The following PCLO variants were observed in gnomAD, a reference collection of about 807,000 sequenced individuals.
PCLO encodes the protein piccolo presynaptic cytomatrix protein, also known as protein piccolo.
PCLO carries 82 observed loss-of-function variants against 427.5 expected under a neutral mutation model. That is an observed-to-expected ratio of 0.19 (90% CI 0.16 to 0.23). The LOEUF is 0.23. Among genes scored for constraint, PCLO ranks in the 10% least tolerant of loss-of-function variants. The probability of loss-of-function intolerance (pLI) is 1.00; values close to 1 mark genes in which losing one functional copy is unlikely to be tolerated. For missense variants in PCLO, 6,239 were observed against 6,115.9 expected (o/e 1.02, Z -0.67); for synonymous variants, 2,357 against 2,155.4 (o/e 1.09, Z -2.59).
chr7:83,079,128 T>C (rs941206468), intron 3 of PCLO, among the ~76,000 whole-genome samples: 1 of 152,062 alleles, frequency 6.6e-6, no homozygotes, highest in Non-Finnish European at 1.5e-5. Flanking sequence ...GCCATATATA[T>C]GGAGGGATGG....
chr7:83,044,780 A>G (rs1185201768), intron 3 of PCLO, among the ~76,000 whole-genome samples: 1 of 152,198 alleles, frequency 6.6e-6, no homozygotes, highest in Non-Finnish European at 1.5e-5. Flanking sequence ...GGTCAAATGT[A>G]TATTGATTCG....
chr7:82,830,397 A>C (rs1792065323), intron 16 of PCLO, among the ~76,000 whole-genome samples: 1 of 152,006 alleles, frequency 6.6e-6, no homozygotes, highest in African/African-American at 2.4e-5. Context: ...TGTCTACAAA[A>C]AAGTGTCTAC....
chr7:82,887,202 T>C (rs563086425), intron 9 of PCLO, among the ~76,000 whole-genome samples: 1 of 152,114 alleles, frequency 6.6e-6, no homozygotes, highest in Non-Finnish European at 1.5e-5. Flanking sequence ...CTAAGGAGGG[T>C]TAGAAACTTG....
At chr7:82,984,041 C>T (rs1796204766) in intron 3 of PCLO, among the ~76,000 whole-genome samples, 1 of 151,878 alleles carries the variant, frequency 6.6e-6, no homozygotes, top group Non-Finnish European at 1.5e-5. Flanking sequence ...AGATTCAAAT[C>T]CTAGCTAGGA....
At chr7:82,881,457 T>A (rs940818081) in intron 9 of PCLO, among the ~76,000 whole-genome samples, 1 of 152,166 alleles carries the variant, frequency 6.6e-6, no homozygotes, top group Non-Finnish European at 1.5e-5. Flanking sequence ...ATTATTTAAT[T>A]TTGTAATGTA....
chr7:82,841,404 T>A, intron 14 of PCLO, 55 bp downstream of exon 14: 1 of 1,041,328 alleles, frequency 9.6e-7, no homozygotes, highest in Non-Finnish European at 1.5e-6. Context: ...AACAAACCAG[T>A]GGCAAAACAA....
chr7:82,931,090 A>G (rs974365210), intron 6 of PCLO, among the ~76,000 whole-genome samples: 54 of 152,174 alleles, frequency 3.5e-4, no homozygotes, highest in African/African-American at 1.1e-3. Flanking sequence ...GCTAAGACAT[A>G]TAAAAGACTA....
At chr7:83,079,100 C>T (rs11531624) in intron 3 of PCLO, among the ~76,000 whole-genome samples, 35,999 of 151,868 alleles carry the variant, frequency 0.24, 4,891 homozygotes, top group East Asian at 0.56. Context: ...TACCATTTGA[C>T]ATAATTTTGC....
At chr7:82,794,450 A>ATTTTTTTTT (rs141105612) in intron 22 of PCLO, among the ~76,000 whole-genome samples, 2 of 62,030 alleles carry the variant, frequency 3.2e-5, no homozygotes, top group East Asian at 5.5e-4. Context: ...TAGTTCATAA[A>ATTTTTTTTT]TTTTTTTTCT....
chr7:82,945,746 G>A (rs985833471), intron 6 of PCLO, among the ~76,000 whole-genome samples: 6 of 152,190 alleles, frequency 3.9e-5, no homozygotes, highest in South Asian at 2.1e-4. Context: ...TTATCACCAC[G>A]TCTGGAAAAG....
intron 4 of PCLO, among the ~76,000 whole-genome samples, chr7:82,964,528 G>A (rs180901826): frequency 1.0e-3 from 152 of 152,150 alleles, no homozygotes; most frequent in Middle Eastern, 3.4e-3. Context: ...ACAAAACAAG[G>A]AAAATCATCT....
intron 6 of PCLO, among the ~76,000 whole-genome samples, chr7:82,931,734 G>A (rs1278099102): frequency 6.6e-6 from 1 of 152,054 alleles, no homozygotes; most frequent in Non-Finnish European, 1.5e-5. Context: ...AAGCAAGATG[G>A]GAGCAATAGT....
At chr7:82,962,890 T>G (rs1218439866) in intron 4 of PCLO, among the ~76,000 whole-genome samples, 1 of 151,944 alleles carries the variant, frequency 6.6e-6, no homozygotes, top group Non-Finnish European at 1.5e-5. Context: ...AATATTTATT[T>G]TGTACTGAGA....
intron 3 of PCLO, among the ~76,000 whole-genome samples, chr7:83,007,436 C>CT (rs1787974440): frequency 1.1e-5 from 1 of 90,298 alleles, no homozygotes; most frequent in Non-Finnish European, 2.3e-5. Flanking sequence ...CATAACTAGA[C>CT]AAATAATGGA....
At position 83,001,985 on chromosome 7, in the gene PCLO, G is replaced by T. The variant is rs1044146816; in HGVS notation, c.3301-35498C>A. 3.4e-4 allele frequency among the ~76,000 whole-genome samples: 52 copies of T among 151,906 alleles called. 2 individuals carry two copies. The highest frequency in any genetic ancestry group is 1.5e-5 in the Non-Finnish European group (1 of 67,940). On this transcript the variant is annotated intron_variant, in intron 3 of 24. Transcript: ENST00000333891. ...TCTACCACAGGGACTCTATGCCCAG[G>T]TCCTATCAGGCTTCTTTGGTATCAC... is the stretch of plus-strand genomic sequence containing the variant.
At chr7:82,893,289 T>C (rs1001564868) in intron 9 of PCLO, among the ~76,000 whole-genome samples, 53 of 152,252 alleles carry the variant, frequency 3.5e-4, no homozygotes, top group African/African-American at 1.2e-3. Context: ...TGGATGAAGC[T>C]AGAAACCATC....
At chr7:83,104,532 T>C (rs1429357027) in intron 3 of PCLO, among the ~76,000 whole-genome samples, 1 of 152,012 alleles carries the variant, frequency 6.6e-6, no homozygotes, top group African/African-American at 2.4e-5. Context: ...CCAAACAAAA[T>C]CATACTATGG....
chr7:82,956,653 T>C lies in PCLO; in HGVS notation c.4300A>G (p.Lys1434Glu). 1 of 1,613,978 alleles carries C rather than the reference T, an allele frequency of 6.2e-7. No individual in the cohort carries two copies. The highest frequency in any genetic ancestry group is 8.5e-7 in the Non-Finnish European group (1 of 1,179,874). Residue 1434 changes from lysine to glutamate, a missense_variant, in exon 5 of 25, where the codon AAG becomes GAG. This residue lies in a region of PCLO where 4,677 missense variants were observed against 4,468.4 expected (regional missense o/e 1.05). Transcript: ENST00000333891. ...ASTLADEKSE[K>E]KTQPHEVSPE... is the part of the protein sequence containing the mutation. Reference sequence around the variant, plus strand: ...GAAACTTCATGGGGTTGTGTTTTCTTTTCTGACTTTTCATCAGCAAGTGTA... The same window carrying C: ...GAAACTTCATGGGGTTGTGTTTTCTCTTCTGACTTTTCATCAGCAAGTGTA...
intron 3 of PCLO, among the ~76,000 whole-genome samples, chr7:83,122,381 G>A (rs765120764): frequency 2.7e-5 from 4 of 150,808 alleles, no homozygotes; most frequent in Admixed American, 6.6e-5. Context: ...TGACTCCCAG[G>A]TTCAAGTGAT....
Sources: allele counts gnomAD v4.1 joint callset (sites outside exome capture counted in the v4.1 genomes callset), GRCh38; gene constraint gnomAD v4.1.1; regional missense constraint gnomAD v4.1.1; transcripts MANE v1.5; gene names NCBI Gene and HGNC (gene_info 2026-07-23, HGNC 2026-07-21).